Variants in FAM168A observed in about 807,000 individuals in gnomAD.
The protein encoded by FAM168A is protein FAM168A.
FAM168A carries 3 observed loss-of-function variants against 28.5 expected under a neutral mutation model. The observed-to-expected ratio is 0.11, with a 90% CI of 0.05 to 0.27. The LOEUF is 0.27. FAM168A is among the 10% of genes least tolerant of loss of function. The pLI is 1.00. For synonymous variants in FAM168A, 122 were observed against 124.2 expected, an observed-to-expected ratio of 0.98 and a Z score of 0.12; for missense variants, 222 against 311.5, an observed-to-expected ratio of 0.71 and a Z score of 2.16.
rs758187045 is a variant in FAM168A, at chr11:73,409,487, C to T, written c.595G>A (p.Gly199Ser). 1 of 1,613,702 alleles carries T rather than the reference C, an allele frequency of 6.2e-7. No individual in the cohort carries two copies. Among genetic ancestry groups the T allele is most frequent in the South Asian group, 1.1e-5 (1 of 90,958 alleles). Residue 199 changes from glycine (G) to serine (S), a missense_variant and splice_region_variant, in exon 6 of 8, where the codon GGT becomes AGT. Transcript: ENST00000356467. The part of the protein sequence containing the change: ...VAGTTMAMSA[G>S]TLLTTPQHTA... ...ACACTGATGCAGATGCTGCCCTCAC[C>T]TGCTGACATTGCCATGGTGGTGCCT...
At chr11:73,486,120 T>G (rs1868049969) in intron 1 of FAM168A, among the ~76,000 whole-genome samples, 1 of 152,246 alleles carries the variant, frequency 6.6e-6, no homozygotes, top group Admixed American at 6.5e-5. Flanking sequence ...TGGGTATGGT[T>G]GACTTAGTTT....
intron 3 of FAM168A, among the ~76,000 whole-genome samples, chr11:73,427,280 T>G (rs1866904182): frequency 1.3e-5 from 2 of 151,610 alleles, no homozygotes; most frequent in East Asian, 2.0e-4. Flanking sequence ...TGTGAGCCAC[T>G]GCGCCCAGCC....
chr11:73,516,699 T>C (rs1346781345), intron 1 of FAM168A, among the ~76,000 whole-genome samples: 4 of 152,212 alleles, frequency 2.6e-5, no homozygotes, highest in Non-Finnish European at 5.9e-5. Flanking sequence ...TGAGTGTCTC[T>C]AGGCAGAGTG....
At chr11:73,497,774 GA>G (rs1044183076) in intron 1 of FAM168A, among the ~76,000 whole-genome samples, 2 of 152,086 alleles carry the variant, frequency 1.3e-5, no homozygotes, top group African/African-American at 4.8e-5. Flanking sequence ...ATGGGGAAGG[GA>G]TAGCATTAGG....
At chr11:73,473,906 C>G (rs956589985) in intron 1 of FAM168A, among the ~76,000 whole-genome samples, 1 of 151,798 alleles carries the variant, frequency 6.6e-6, no homozygotes, top group Non-Finnish European at 1.5e-5. Flanking sequence ...CTCTGCCTCC[C>G]AGGTTCAAGC....
At chr11:73,514,896 A>G (rs995304854) in intron 1 of FAM168A, among the ~76,000 whole-genome samples, 1 of 151,950 alleles carries the variant, frequency 6.6e-6, no homozygotes, top group African/African-American at 2.4e-5. Context: ...GTACACTACT[A>G]CATTTGATCT....
intron 1 of FAM168A, among the ~76,000 whole-genome samples, chr11:73,545,433 C>A (rs1042086640): frequency 6.6e-6 from 1 of 151,868 alleles, no homozygotes; most frequent in African/African-American, 2.4e-5. Context: ...TTGCCTAGGG[C>A]TGGTGGAGAA....
intron 2 of FAM168A, among the ~76,000 whole-genome samples, chr11:73,442,215 T>C (rs186476549): frequency 0.016 from 2,371 of 147,548 alleles, 63 homozygotes; most frequent in African/African-American, 0.056. Flanking sequence ...AAGCTCCACC[T>C]CCCGGATTCA....
intron 1 of FAM168A, among the ~76,000 whole-genome samples, chr11:73,484,732 C>A (rs974227181): frequency 1.4e-5 from 2 of 143,810 alleles, no homozygotes; most frequent in Admixed American, 7.0e-5. Flanking sequence ...AGATATATAT[C>A]GATATATAGA....
At chr11:73,575,432 G>A (rs964848945) in intron 1 of FAM168A, among the ~76,000 whole-genome samples, 3 of 152,182 alleles carry the variant, frequency 2.0e-5, no homozygotes, top group Admixed American at 6.5e-5. Flanking sequence ...GTCTTACCCT[G>A]TAATTGAAAG....
At chr11:73,564,481 A>T (rs1265677726) in intron 1 of FAM168A, among the ~76,000 whole-genome samples, 2 of 152,042 alleles carry the variant, frequency 1.3e-5, no homozygotes, top group African/African-American at 4.8e-5. Context: ...GCTCACGCCT[A>T]TAATCCCAGC....
At chr11:73,430,615 C>A in intron 3 of FAM168A, 75 bp downstream of exon 3, 1 of 1,363,092 alleles carries the variant, frequency 7.3e-7, no homozygotes. Context: ...AAAAGGCCAG[C>A]AAGTGGTTTT....
At position 73,482,162 on chromosome 11, in the gene FAM168A, A is replaced by G. The variant is rs149900225; in HGVS notation, c.-18-13670T>C. The stretch of plus-strand genomic sequence containing the variant: ...TTTGTTACAGCAGCACAAAATACAC[A>G]AAGACAACATCCAACAGCCTTTTTT... On this transcript the variant is annotated intron_variant, in intron 1 of 7. Coordinates refer to ENST00000356467, the MANE Select transcript of FAM168A (RefSeq NM_015159.3). Among the ~76,000 whole-genome samples, 19 of 151,226 alleles carry G rather than the reference A, an allele frequency of 1.3e-4. No homozygotes were observed. In the East Asian group the frequency reaches 3.1e-3, roughly 25 times the overall value.
chr11:73,553,030 AAGT>A (rs750454744), intron 1 of FAM168A, among the ~76,000 whole-genome samples: 3 of 152,314 alleles, frequency 2.0e-5, no homozygotes, highest in South Asian at 2.1e-4. Flanking sequence ...CAATTTTACA[AAGT>A]AGCCATTCAA....
chr11:73,588,470 C>A lies in FAM168A; in HGVS notation c.-19+9453G>T, dbSNP rs551341551. Among the ~76,000 whole-genome samples, 118 of 152,236 alleles carry A rather than the reference C, an allele frequency of 7.8e-4. No homozygotes were observed. The Middle Eastern group carries it at 0.027, about 35-fold the overall frequency. On this transcript the variant is annotated intron_variant, in intron 1 of 7. Coordinates refer to ENST00000356467, the MANE Select transcript of FAM168A (RefSeq NM_015159.3). ...CTTTGGGAGGCTGGGTCAGGGGTAT[C>A]ACTTGAGCCCAGGAGTTGGAGACCA...
At chr11:73,557,272 G>C (rs1943902329) in intron 1 of FAM168A, among the ~76,000 whole-genome samples, 1 of 152,182 alleles carries the variant, frequency 6.6e-6, no homozygotes, top group Non-Finnish European at 1.5e-5. Context: ...CTACTCATAT[G>C]AGATACACAG....
At chr11:73,589,676 C>A (rs1293430923) in intron 1 of FAM168A, among the ~76,000 whole-genome samples, 2 of 152,226 alleles carry the variant, frequency 1.3e-5, no homozygotes, top group East Asian at 3.8e-4. Flanking sequence ...CGCCTGTAAT[C>A]CCAACACTTT....
intron 2 of FAM168A, among the ~76,000 whole-genome samples, chr11:73,440,563 G>A (rs1867175431): frequency 6.6e-6 from 1 of 152,140 alleles, no homozygotes; most frequent in Non-Finnish European, 1.5e-5. Flanking sequence ...CCAGGAGATG[G>A]AGGCTGCAGT....
chr11:73,544,832 T>C lies in FAM168A; in HGVS notation c.-19+53091A>G, dbSNP rs1170740310. 4.6e-4 allele frequency among the ~76,000 whole-genome samples: 43 copies of C among 93,728 alleles called. 1 individual carries two copies. Among genetic ancestry groups the C allele is most frequent in the African/African-American group, 2.5e-3 (42 of 16,658 alleles). The allele number at this position is 93,728 out of a possible 152,430, so 61.5% of individuals were successfully genotyped here. ...TATCATATATAATAAATTTATTATATATAATATATATTAAATATATAATAT... is the reference window on the plus strand; with the variant it reads ...TATCATATATAATAAATTTATTATACATAATATATATTAAATATATAATAT... On this transcript the variant is annotated intron_variant, in intron 1 of 7. Transcript: ENST00000356467.
Sources: gnomAD v4.1 joint callset for allele counts (sites outside exome capture counted in the v4.1 genomes callset) on GRCh38, gnomAD v4.1.1 for gene constraint, MANE v1.5 for transcripts, NCBI Gene and HGNC (gene_info 2026-07-23, HGNC 2026-07-21) for gene names.